The following LMNB1 variants were observed in gnomAD, a reference collection of about 807,000 sequenced individuals.
LMNB1 encodes lamin B1.
Under a neutral mutation model 67.1 loss-of-function variants are expected in LMNB1, and 23 were observed. The observed-to-expected ratio is 0.34, with a 90% CI of 0.25 to 0.49. The LOEUF (loss-of-function observed/expected upper bound fraction) is 0.49, where lower values mean the gene tolerates loss of function less well. LMNB1 is among the 20% of genes least tolerant of loss of function. LMNB1 has a pLI of 0.99. For synonymous variants in LMNB1, 281 were observed against 282.9 expected (o/e 0.99, Z 0.07); for missense variants, 634 against 746.5 (o/e 0.85, Z 1.76).
chr5:126,800,969 A>AATTTT (rs1580536670), intron 1 of LMNB1, among the ~76,000 whole-genome samples: 1 of 60,936 alleles, frequency 1.6e-5, no homozygotes, highest in Non-Finnish European at 3.4e-5. Flanking sequence ...ATATATATAT[A>AATTTT]TATATATATA....
At chr5:126,808,678 G>A (rs1751512199) in intron 3 of LMNB1, among the ~76,000 whole-genome samples, 1 of 152,124 alleles carries the variant, frequency 6.6e-6, no homozygotes, top group Non-Finnish European at 1.5e-5. Flanking sequence ...TGAAATAGAT[G>A]TGATCTCTGG....
At position 126,836,552 on chromosome 5, in the gene LMNB1, C is replaced by CT. The variant is rs924069218; in HGVS notation, c.*297dup. On this transcript the variant is annotated 3_prime_UTR_variant, in exon 11 of 11. Transcript: ENST00000261366. ...GACTTTTTTTGTATGTGTGTTTTTT[C>CT]TTTTTTTTTAAGTTCTTATGAGGAG... 5.4e-4 allele frequency: 183 copies of CT among 341,464 alleles called. No individual in the cohort carries two copies. Among genetic ancestry groups the CT allele is most frequent in the Middle Eastern group, 7.6e-4 (1 of 1,314 alleles). 21.2% of individuals were successfully genotyped at this position (341,464 alleles called of 1,614,324 possible). A position where few individuals can be genotyped will look rare whatever the true frequency, so the allele number is the denominator to read the frequency against.
chr5:126,815,982 C>A (rs1229086238), intron 5 of LMNB1, among the ~76,000 whole-genome samples: 2 of 152,092 alleles, frequency 1.3e-5, no homozygotes, highest in East Asian at 3.8e-4. Flanking sequence ...ATCTGTGAAT[C>A]TTGGGTAGTT....
At chr5:126,779,663 C>T (rs1480741754) in intron 1 of LMNB1, among the ~76,000 whole-genome samples, 2 of 151,964 alleles carry the variant, frequency 1.3e-5, no homozygotes, top group Admixed American at 6.6e-5. Context: ...CTTTGGGAGG[C>T]GAGGTGAGCG....
intron 1 of LMNB1, among the ~76,000 whole-genome samples, chr5:126,783,999 T>C (rs945285166): frequency 6.6e-6 from 1 of 151,054 alleles, no homozygotes; most frequent in Non-Finnish European, 1.5e-5. Context: ...GAGATTGTGC[T>C]TTGGCTGTCA....
At chr5:126,801,675 T>A (rs1366648589) in intron 1 of LMNB1, among the ~76,000 whole-genome samples, 1 of 152,216 alleles carries the variant, frequency 6.6e-6, no homozygotes, top group Non-Finnish European at 1.5e-5. Flanking sequence ...AATATGCCGA[T>A]TTTACAGGTT....
At chr5:126,779,139 C>T (rs983081984) in intron 1 of LMNB1, among the ~76,000 whole-genome samples, 2 of 152,144 alleles carry the variant, frequency 1.3e-5, no homozygotes, top group Admixed American at 1.3e-4. Flanking sequence ...ATGTCCCTGT[C>T]CGAAGTCTCT....
chr5:126,786,614 A>G (rs888938783), intron 1 of LMNB1, among the ~76,000 whole-genome samples: 1 of 152,188 alleles, frequency 6.6e-6, no homozygotes, highest in Admixed American at 6.6e-5. Context: ...TTCTACAGGT[A>G]TTACTCTGGT....
At chr5:126,785,221 C>T (rs1165968526) in intron 1 of LMNB1, among the ~76,000 whole-genome samples, 5 of 150,804 alleles carry the variant, frequency 3.3e-5, no homozygotes, top group African/African-American at 9.8e-5. Flanking sequence ...CTCCTGACCT[C>T]GTGATCCGCC....
At chr5:126,800,982 A>ATATATAATTTTTTTTTTTT in intron 1 of LMNB1, among the ~76,000 whole-genome samples, 1 of 18,636 alleles carries the variant, frequency 5.4e-5, no homozygotes, top group Non-Finnish European at 1.0e-4. Context: ...TATATATATA[A>ATATATAATTTTTTTTTTTT]TTTTTTTTTT....
At chr5:126,814,866 G>A (rs1191539144) in intron 5 of LMNB1, among the ~76,000 whole-genome samples, 1 of 152,146 alleles carries the variant, frequency 6.6e-6, no homozygotes, top group African/African-American at 2.4e-5. Context: ...AAGCCACTGT[G>A]CCTGGCTGCA....
intron 10 of LMNB1, among the ~76,000 whole-genome samples, chr5:126,833,170 T>C (rs1309622318): frequency 1.3e-5 from 2 of 152,172 alleles, no homozygotes; most frequent in African/African-American, 2.4e-5. Flanking sequence ...AATCTGCATA[T>C]AAACTTTAAA....
chr5:126,808,957 C>A (rs1041746781), intron 3 of LMNB1, among the ~76,000 whole-genome samples: 3 of 151,944 alleles, frequency 2.0e-5, no homozygotes, highest in African/African-American at 7.3e-5. Context: ...CTCACTGCAA[C>A]CACCGTCTCC....
chr5:126,823,617 T>C (rs1751921801), intron 8 of LMNB1, among the ~76,000 whole-genome samples: 1 of 152,204 alleles, frequency 6.6e-6, no homozygotes, highest in African/African-American at 2.4e-5. Context: ...TGACTGTCTC[T>C]TTCCTTTTAT....
chr5:126,818,160 T>A (rs1158788166), intron 5 of LMNB1, among the ~76,000 whole-genome samples: 1 of 152,178 alleles, frequency 6.6e-6, no homozygotes, highest in African/African-American at 2.4e-5. Flanking sequence ...TTTGCCTTGG[T>A]TTCTGAATAT....
At chr5:126,815,386 C>T (rs1751682797) in intron 5 of LMNB1, 1 of 152,154 alleles carries the variant, frequency 6.6e-6, no homozygotes, top group Non-Finnish European at 1.5e-5. Context: ...CTTATAGCAT[C>T]TCTAGATTTT....
intron 1 of LMNB1, among the ~76,000 whole-genome samples, chr5:126,797,357 A>G (rs571095515): frequency 6.6e-6 from 1 of 152,356 alleles, no homozygotes; most frequent in South Asian, 2.1e-4. Flanking sequence ...TTAGATTCAC[A>G]TGTTGAATTT....
In LMNB1 at chr5:126,820,947, G is replaced by A; in HGVS notation, c.1198G>A (p.Val400Ile). The change falls in exon 7 of 11, where the codon GTA (valine) becomes ATA (isoleucine). Residue 400 changes from valine to isoleucine, a missense_variant. Val to Ile is a conservative substitution (Grantham distance 29, BLOSUM62 3). Coordinates refer to ENST00000261366, the MANE Select transcript of LMNB1 (RefSeq NM_005573.4). ...TCCAAGCCCTTCTTCCCGTGTGACA[G>A]TATCCCGAGCATCCTCAAGTCGTAG... ...LSPSPSSRVT[V>I]SRASSSRSVR... 4 of 1,613,938 alleles carry A rather than the reference G, an allele frequency of 2.5e-6. No homozygotes were observed. The highest frequency in any genetic ancestry group is 2.5e-6 in the Non-Finnish European group (3 of 1,179,962).
intron 1 of LMNB1, 133 bp downstream of exon 1, chr5:126,778,000 C>A (rs1200973513): frequency 5.0e-6 from 4 of 800,948 alleles, no homozygotes; most frequent in African/African-American, 1.8e-5. Flanking sequence ...GGAACAGGGT[C>A]TCGGTCTCCG....
Sources: allele counts gnomAD v4.1 joint callset (sites outside exome capture counted in the v4.1 genomes callset), GRCh38; gene constraint gnomAD v4.1.1; transcripts MANE v1.5; gene names NCBI Gene and HGNC (gene_info 2026-07-23, HGNC 2026-07-21).